The following DNAJC15 variants were observed in gnomAD, a reference collection of about 807,000 sequenced individuals.
DNAJC15 encodes DnaJ heat shock protein family (Hsp40) member C15.
DNAJC15 carries 27 observed loss-of-function variants against 22.4 expected under a neutral mutation model. That is an observed-to-expected ratio of 1.20 (90% CI 0.89 to 1.66). DNAJC15 has a LOEUF of 1.66. Ranked by LOEUF, DNAJC15 falls within the 40% of genes most tolerant of loss-of-function variation. The probability of loss-of-function intolerance (pLI) is 0.00; values close to 1 mark genes in which losing one functional copy is unlikely to be tolerated. For synonymous variants in DNAJC15, 79 were observed against 63.2 expected (o/e 1.25, Z -1.19); for missense variants, 208 against 187.1 (o/e 1.11, Z -0.65).
intron 3 of DNAJC15, among the ~76,000 whole-genome samples, chr13:43,073,581 ATTG>A (rs2153441158): frequency 6.6e-6 from 1 of 152,232 alleles, no homozygotes; most frequent in South Asian, 2.1e-4. Flanking sequence ...TGATTTTTTT[ATTG>A]TTGTTGACTC....
At chr13:43,027,183 A>T (rs1426787306) in intron 1 of DNAJC15, among the ~76,000 whole-genome samples, 1 of 152,222 alleles carries the variant, frequency 6.6e-6, no homozygotes, top group Non-Finnish European at 1.5e-5. Flanking sequence ...TTTGTATGAA[A>T]CGGTAGTCAT....
At chr13:43,082,859 T>TATACAC (rs1555276534) in intron 4 of DNAJC15, among the ~76,000 whole-genome samples, 1 of 146,814 alleles carries the variant, frequency 6.8e-6, no homozygotes, top group African/African-American at 2.5e-5. Context: ...TATATATATA[T>TATACAC]ACACACATAT....
At chr13:43,031,816 CTT>C (rs1189567285) in intron 1 of DNAJC15, among the ~76,000 whole-genome samples, 1 of 152,190 alleles carries the variant, frequency 6.6e-6, no homozygotes, top group Non-Finnish European at 1.5e-5. Flanking sequence ...AGAATATTCT[CTT>C]TGTTTCTCTT....
At chr13:43,028,276 CTCT>C (rs1345020156) in intron 1 of DNAJC15, among the ~76,000 whole-genome samples, 1 of 152,074 alleles carries the variant, frequency 6.6e-6, no homozygotes, top group Admixed American at 6.5e-5. Context: ...GCTGATTCTC[CTCT>C]TCTTTCCCCC....
chr13:43,058,256 A>C (rs896727712), intron 1 of DNAJC15, among the ~76,000 whole-genome samples: 3 of 152,296 alleles, frequency 2.0e-5, no homozygotes, highest in African/African-American at 4.8e-5. Context: ...CAGCTGCAGC[A>C]GTATGGGGGA....
Position 43,043,210 on chromosome 13 carries a change from C to G in DNAJC15, c.108+19476C>G, listed in dbSNP as rs114965897. Among the ~76,000 whole-genome samples, 772 of 152,292 alleles carry G rather than the reference C, an allele frequency of 5.1e-3. 6 individuals are homozygous for G. The highest frequency in any genetic ancestry group is 0.017 in the African/African-American group (719 of 41,566). ...CAAACCTCCGTCTCCCGGGTTCAAGCGAGTCTCCCCCCTCAGCCTCCCCAG... is the reference window on the plus strand; with the variant it reads ...CAAACCTCCGTCTCCCGGGTTCAAGGGAGTCTCCCCCCTCAGCCTCCCCAG... On this transcript the variant is annotated intron_variant, in intron 1 of 5. Coordinates refer to ENST00000379221, the MANE Select transcript of DNAJC15 (RefSeq NM_013238.3).
chr13:43,073,694 TCTTTAAA>T (rs2040619287), intron 3 of DNAJC15, among the ~76,000 whole-genome samples: 1 of 152,196 alleles, frequency 6.6e-6, no homozygotes, highest in Non-Finnish European at 1.5e-5. Flanking sequence ...ACCTAGGATT[TCTTTAAA>T]CTTTCTGGTT....
chr13:43,047,149 A>C lies in DNAJC15; in HGVS notation c.109-18537A>C, dbSNP rs576027327. Among the ~76,000 whole-genome samples the C allele has an allele frequency of 2.4e-4, 36 of 152,342 alleles. 3 individuals carry two copies. The South Asian group carries it at 7.3e-3, about 31-fold the overall frequency. On this transcript the variant is annotated intron_variant, in intron 1 of 5. Transcript: ENST00000379221. ...CTAAGACCAAAGACCCGCCCGTAAC[A>C]GTGGTAAAGTTTCTTAAGATCATTT...
At chr13:43,067,561 GGT>G (rs1261854622) in intron 2 of DNAJC15, among the ~76,000 whole-genome samples, 1 of 152,034 alleles carries the variant, frequency 6.6e-6, no homozygotes, top group East Asian at 1.9e-4. Context: ...GACAAGAATT[GGT>G]GTGTGTATTC....
chr13:43,083,033 A>G (rs1036973033), intron 4 of DNAJC15, among the ~76,000 whole-genome samples: 5 of 152,228 alleles, frequency 3.3e-5, no homozygotes, highest in African/African-American at 1.2e-4. Flanking sequence ...AATTATTTGC[A>G]TAGTAATCCT....
intron 3 of DNAJC15, among the ~76,000 whole-genome samples, chr13:43,077,319 T>G (rs78044691): frequency 5.3e-5 from 8 of 152,144 alleles, no homozygotes; most frequent in African/African-American, 1.9e-4. Flanking sequence ...AGATAAAGAT[T>G]AGCAAGCTAT....
chr13:43,062,707 A>G (rs376718465), intron 1 of DNAJC15, among the ~76,000 whole-genome samples: 3 of 152,186 alleles, frequency 2.0e-5, no homozygotes. Context: ...TAAATACTTT[A>G]TATTTTTCTT....
chr13:43,046,065 C>G (rs2040475792), intron 1 of DNAJC15, among the ~76,000 whole-genome samples: 1 of 152,056 alleles, frequency 6.6e-6, no homozygotes, highest in Non-Finnish European at 1.5e-5. Context: ...GCTAAATTAC[C>G]TAACCTTTTT....
chr13:43,060,401 AAAG>A (rs958488357), intron 1 of DNAJC15, among the ~76,000 whole-genome samples: 34 of 151,998 alleles, frequency 2.2e-4, no homozygotes, highest in African/African-American at 7.0e-4. Flanking sequence ...GGTCCGAATA[AAAG>A]AAGGAGGAAA....
intron 1 of DNAJC15, 43 bp downstream of exon 1, chr13:43,023,777 T>A: frequency 6.5e-7 from 1 of 1,537,432 alleles, no homozygotes; most frequent in Non-Finnish European, 8.8e-7. Context: ...GGCTCCCTTG[T>A]AGTTTCTGCT....
intron 1 of DNAJC15, among the ~76,000 whole-genome samples, chr13:43,031,540 T>C (rs541289173): frequency 2.0e-5 from 3 of 152,144 alleles, no homozygotes; most frequent in Non-Finnish European, 2.9e-5. Context: ...ACTTTGGGAG[T>C]GTAGAGGAGG....
At position 43,041,034 on chromosome 13, in the gene DNAJC15, C is replaced by A. The variant is rs540550482; in HGVS notation, c.108+17300C>A. On this transcript the variant is annotated intron_variant, in intron 1 of 5. Coordinates refer to ENST00000379221, the MANE Select transcript of DNAJC15 (RefSeq NM_013238.3). ...GACAGATGCCTTCCTCATGTCTCAA[C>A]TGCAAAGAGGCGTTCCTTCCTCTTT... Among the ~76,000 whole-genome samples, 9 of 152,324 alleles carry A rather than the reference C, an allele frequency of 5.9e-5. No homozygotes were observed. In the East Asian group the frequency reaches 1.7e-3, roughly 29 times the overall value.
chr13:43,110,884 G>C lies in DNAJC15; in HGVS notation c.*3636G>C, dbSNP rs765300462. The C allele has an allele frequency of 2.0e-5, 3 of 152,148 alleles. No individual in the cohort carries two copies. The highest frequency in any genetic ancestry group is 7.2e-5 in the African/African-American group (3 of 41,430). The allele number at this position is 152,148 out of a possible 1,614,324, so 9.4% of individuals were successfully genotyped here. ...TATCTGTAAAAAGCTTATTTGAGTG[G>C]TTACCTGTCTTCAGTAAAGATTGCG... On this transcript the variant is annotated 3_prime_UTR_variant, in exon 6 of 6. Coordinates refer to ENST00000379221, the MANE Select transcript of DNAJC15 (RefSeq NM_013238.3).
intron 5 of DNAJC15, among the ~76,000 whole-genome samples, chr13:43,100,073 T>C (rs2040759904): frequency 6.6e-6 from 1 of 152,154 alleles, no homozygotes; most frequent in South Asian, 2.1e-4. Flanking sequence ...AAGTTGTCTC[T>C]TCTTGAGTCA....
Sources: gnomAD v4.1 joint callset for allele counts (sites outside exome capture counted in the v4.1 genomes callset) on GRCh38, gnomAD v4.1.1 for gene constraint, MANE v1.5 for transcripts, NCBI Gene and HGNC (gene_info 2026-07-23, HGNC 2026-07-21) for gene names.